The following FAT3 variants were observed in gnomAD, a reference collection of about 807,000 sequenced individuals.
The protein encoded by FAT3 is FAT atypical cadherin 3, also known as protocadherin Fat 3.
Under a neutral mutation model 310.2 loss-of-function variants are expected in FAT3, and 95 were observed. The ratio of observed to expected loss-of-function variants is 0.31; its 90% CI spans 0.26 to 0.36. FAT3 has a LOEUF of 0.36. FAT3 is among the 10% of genes least tolerant of loss of function. FAT3 has a pLI of 1.00. For missense variants in FAT3, 5,408 were observed against 5,715.6 expected (o/e 0.95, Z 1.74); for synonymous variants, 2,314 against 2,192.9 (o/e 1.06, Z -1.54).
intron 3 of FAT3, among the ~76,000 whole-genome samples, chr11:92,530,215 G>A (rs1954020468): frequency 6.6e-6 from 1 of 152,126 alleles, no homozygotes. Context: ...ACTTCAACCT[G>A]AAAATTATTA....
chr11:92,464,647 A>T (rs939747857), intron 2 of FAT3, among the ~76,000 whole-genome samples: 8 of 152,214 alleles, frequency 5.3e-5, no homozygotes, highest in Admixed American at 5.2e-4. Flanking sequence ...TTAACTAGTT[A>T]TGCCAAAGTG....
At chr11:92,501,387 C>G (rs573245677) in intron 2 of FAT3, among the ~76,000 whole-genome samples, 1 of 152,046 alleles carries the variant, frequency 6.6e-6, no homozygotes, top group African/African-American at 2.4e-5. Context: ...CCTAGAGTGC[C>G]TTTTACCAAT....
intron 3 of FAT3, among the ~76,000 whole-genome samples, chr11:92,590,112 C>T (rs543400310): frequency 2.0e-5 from 3 of 152,030 alleles, no homozygotes; most frequent in East Asian, 1.9e-4. Context: ...AAGTTCTATG[C>T]GTGATTCAAG....
intron 2 of FAT3, among the ~76,000 whole-genome samples, chr11:92,368,892 A>G (rs1398878363): frequency 3.3e-5 from 4 of 121,432 alleles, no homozygotes; most frequent in Non-Finnish European, 6.2e-5. Context: ...ACATATATAT[A>G]CACACACACA....
At chr11:92,578,773 T>G (rs1938625972) in intron 3 of FAT3, among the ~76,000 whole-genome samples, 1 of 152,128 alleles carries the variant, frequency 6.6e-6, no homozygotes, top group Non-Finnish European at 1.5e-5. Flanking sequence ...CACAGATGAG[T>G]GTTTTAGGGA....
Position 92,296,923 on chromosome 11 carries a change from G to A in FAT3, c.-17-55173G>A, listed in dbSNP as rs374005936. ...TTAAACAACATAGTGATCCAGAACAGTGAGTATTAAGTGATCTCTAGATTT... is the reference window on the plus strand; with the variant it reads ...TTAAACAACATAGTGATCCAGAACAATGAGTATTAAGTGATCTCTAGATTT... On this transcript the variant is annotated intron_variant, in intron 1 of 27. Coordinates refer to ENST00000525166, the MANE Select transcript of FAT3 (RefSeq NM_001367949.2). 3.4e-4 allele frequency among the ~76,000 whole-genome samples: 52 copies of A among 152,230 alleles called. 1 individual carries two copies. The South Asian group carries it at 8.9e-3, about 26-fold the overall frequency.
chr11:92,682,903 C>T (rs771653394), intron 3 of FAT3, among the ~76,000 whole-genome samples: 5 of 152,078 alleles, frequency 3.3e-5, no homozygotes, highest in Non-Finnish European at 7.4e-5. Flanking sequence ...CATGGCAAAA[C>T]CCAGTCTCTA....
At position 92,892,367 on chromosome 11, in the gene FAT3, G is replaced by A. The variant is rs1020453299; in HGVS notation, c.*1254G>A. On this transcript the variant is annotated 3_prime_UTR_variant, in exon 28 of 28. Coordinates refer to ENST00000525166, the MANE Select transcript of FAT3 (RefSeq NM_001367949.2). ...ACATCAAATGCCATATTTTACTCTG[G>A]TTCAGTTAACTTTATTTTGGTACTG... The A allele has an allele frequency of 6.6e-6, 1 of 151,094 alleles. No individual in the cohort carries two copies. The highest frequency in any genetic ancestry group is 1.5e-5 in the Non-Finnish European group (1 of 67,890). The allele number at this position is 151,094 out of a possible 1,614,324, so 9.4% of individuals were successfully genotyped here. A position where few individuals can be genotyped will look rare whatever the true frequency, so the allele number is the denominator to read the frequency against.
chr11:92,282,470 G>A (rs1055738836), intron 1 of FAT3, among the ~76,000 whole-genome samples: 3 of 152,016 alleles, frequency 2.0e-5, no homozygotes, highest in Admixed American at 2.0e-4. Context: ...TTCGAGACCA[G>A]CCTGGCCAAC....
chr11:92,882,997 C>T lies in FAT3; in HGVS notation c.12541C>T (p.Arg4181Cys), dbSNP rs1012397377. 6.2e-7 allele frequency: 1 copy of T among 1,613,924 alleles called. No homozygotes were observed. Among genetic ancestry groups the T allele is most frequent in the South Asian group, 1.1e-5 (1 of 91,082 alleles). ...CATAGTCTTCCGCAAGAAGGTCTTCCGCAAGAACTACTCCCGCAACAACAT... is the reference window on the plus strand; with the variant it reads ...CATAGTCTTCCGCAAGAAGGTCTTCTGCAAGAACTACTCCCGCAACAACAT... Reference protein sequence around the residue: ...LFIVFRKKVFRKNYSRNNITL... With the variant: ...LFIVFRKKVFCKNYSRNNITL... The change falls in exon 24 of 28, where the codon CGC becomes TGC. Residue 4181 changes from arginine to cysteine, a missense_variant. Transcript: ENST00000525166.
At position 92,224,839 on chromosome 11, in the gene FAT3, T is replaced by C. The variant is rs933102474; in HGVS notation, c.-353T>C. Among the ~76,000 whole-genome samples the C allele has an allele frequency of 4.2e-4, 64 of 151,582 alleles. 1 individual carries two copies. The highest frequency in any genetic ancestry group is 1.3e-3 in the African/African-American group (55 of 41,298). On this transcript the variant is annotated 5_prime_UTR_variant, in exon 1 of 28. Coordinates refer to ENST00000525166, the MANE Select transcript of FAT3 (RefSeq NM_001367949.2). ...GAGCAGTAGCGGCGGCGGCTGCAGC[T>C]CGGAGCAGACAGGAGAGCCGGCGCT...
chr11:92,284,404 A>C (rs2134374230), intron 1 of FAT3, among the ~76,000 whole-genome samples: 1 of 152,214 alleles, frequency 6.6e-6, no homozygotes, highest in Non-Finnish European at 1.5e-5. Context: ...GTGAATACCT[A>C]ATGCCATTAC....
chr11:92,780,861 A>G (rs1224224910), intron 7 of FAT3, among the ~76,000 whole-genome samples: 2 of 152,064 alleles, frequency 1.3e-5, no homozygotes, highest in Admixed American at 6.6e-5. Flanking sequence ...AGAGACACAC[A>G]TTACCAAAAA....
At chr11:92,741,504 C>CAAG (rs1322632545) in intron 4 of FAT3, among the ~76,000 whole-genome samples, 2 of 152,178 alleles carry the variant, frequency 1.3e-5, no homozygotes, top group Non-Finnish European at 1.5e-5. Context: ...TCCTGGAAAG[C>CAAG]AAGAACTGGT....
chr11:92,429,263 T>G (rs769757660), intron 2 of FAT3, among the ~76,000 whole-genome samples: 8 of 152,062 alleles, frequency 5.3e-5, no homozygotes, highest in Non-Finnish European at 7.4e-5. Context: ...TATTTTGAGC[T>G]TATGTGTGTC....
intron 3 of FAT3, among the ~76,000 whole-genome samples, chr11:92,624,384 C>CTT (rs956655658): frequency 2.0e-5 from 3 of 152,262 alleles, no homozygotes; most frequent in Middle Eastern, 3.4e-3. Context: ...AGGAAAAAAA[C>CTT]TTAGAACTTG....
At chr11:92,331,001 TGTGAGAGAGAGAGA>T (rs1306627405) in intron 1 of FAT3, among the ~76,000 whole-genome samples, 26 of 117,756 alleles carry the variant, frequency 2.2e-4, no homozygotes, top group African/African-American at 1.2e-3. Flanking sequence ...TGTGTGTGTG[TGTGAGAGAGAGAGA>T]GAGAGAAACA....
At chr11:92,407,330 G>A (rs74810162) in intron 2 of FAT3, among the ~76,000 whole-genome samples, 3,748 of 152,230 alleles carry the variant, frequency 0.025, 167 homozygotes, top group African/African-American at 0.086. Context: ...GAGGGGGAAG[G>A]CAAGCACAGT....
chr11:92,840,085 A>T (rs1353552286), intron 17 of FAT3, among the ~76,000 whole-genome samples: 1 of 152,200 alleles, frequency 6.6e-6, no homozygotes, highest in Non-Finnish European at 1.5e-5. Flanking sequence ...TTGACTAGGA[A>T]GTTGCCAGGA....
Sources: gnomAD v4.1 joint callset for allele counts (sites outside exome capture counted in the v4.1 genomes callset) on GRCh38, gnomAD v4.1.1 for gene constraint, MANE v1.5 for transcripts, NCBI Gene and HGNC (gene_info 2026-07-23, HGNC 2026-07-21) for gene names.